The following TSG101 variants were observed in gnomAD, a reference collection of about 807,000 sequenced individuals.
The protein encoded by TSG101 is tumor susceptibility 101, also known as tumor susceptibility gene 101 protein.
A neutral mutation model predicts 48.5 loss-of-function variants in TSG101; 19 were observed. That is an observed-to-expected ratio of 0.39 (90% CI 0.27 to 0.58). The LOEUF is 0.58. TSG101 is among the 20% of genes least tolerant of loss of function. The pLI is 0.55. For synonymous variants in TSG101, 174 were observed against 169.4 expected, an observed-to-expected ratio of 1.03 and a Z score of -0.21; for missense variants, 365 against 484.4, an observed-to-expected ratio of 0.75 and a Z score of 2.31.
intron 7 of TSG101, among the ~76,000 whole-genome samples, chr11:18,498,219 G>A (rs943400452): frequency 6.6e-6 from 1 of 152,150 alleles, no homozygotes; most frequent in African/African-American, 2.4e-5. Flanking sequence ...TGGGGAAGAG[G>A]GCAGGATCAT....
In TSG101 at chr11:18,484,077, A is replaced by C; in HGVS notation, c.641-5T>G. On this transcript the variant is annotated splice_region_variant and splice_polypyrimidine_tract_variant and intron_variant, in intron 7 of 9. Coordinates refer to ENST00000251968, the MANE Select transcript of TSG101 (RefSeq NM_006292.4). ...TTGTGCCATCCCTACTGGGACCTGCAGGAAACAGAGGCAAAAAACACTTGC... is the reference window on the plus strand; with the variant it reads ...TTGTGCCATCCCTACTGGGACCTGCCGGAAACAGAGGCAAAAAACACTTGC... 6.2e-7 allele frequency: 1 copy of C among 1,613,460 alleles called. No individual in the cohort carries two copies. The highest frequency in any genetic ancestry group is 2.2e-5 in the East Asian group (1 of 44,866).
chr11:18,516,636 T>C (rs1355016578), intron 2 of TSG101, among the ~76,000 whole-genome samples: 3 of 151,772 alleles, frequency 2.0e-5, no homozygotes, highest in African/African-American at 7.2e-5. Context: ...GAGTCACTTT[T>C]AAAACTATTT....
At chr11:18,490,982 C>T (rs1849692263) in intron 7 of TSG101, 3 of 235,726 alleles carry the variant, frequency 1.3e-5, no homozygotes, top group Admixed American at 1.0e-4. Context: ...CTGCAGGGGA[C>T]GAGGATGCTT....
rs572509665 is a variant in TSG101, at chr11:18,526,875, C to T, written c.-59G>A. 5.8e-6 allele frequency: 9 copies of T among 1,561,360 alleles called. No homozygotes were observed. In the South Asian group the frequency reaches 1.0e-4, roughly 18 times the overall value. ...AGAGGGTCAGCCGCTGCTGGGCTGC[C>T]CCAGACCGTCCCACACAATCGCACA... is the stretch of plus-strand genomic sequence containing the variant. On this transcript the variant is annotated 5_prime_UTR_variant, in exon 1 of 10. Transcript: ENST00000251968.
At chr11:18,525,178 G>A (rs575751366) in intron 1 of TSG101, among the ~76,000 whole-genome samples, 27 of 152,186 alleles carry the variant, frequency 1.8e-4, no homozygotes, top group African/African-American at 6.3e-4. Flanking sequence ...CAAAGTGCTA[G>A]GATTACAGGC....
At chr11:18,491,746 T>G (rs960858415) in intron 7 of TSG101, among the ~76,000 whole-genome samples, 4 of 152,208 alleles carry the variant, frequency 2.6e-5, no homozygotes, top group East Asian at 3.8e-4. Flanking sequence ...CTTCCAAACT[T>G]TACAGGTCCT....
intron 1 of TSG101, among the ~76,000 whole-genome samples, chr11:18,522,706 G>C (rs1013475579): frequency 7.2e-5 from 11 of 152,116 alleles, no homozygotes; most frequent in Non-Finnish European, 1.5e-4. Context: ...GGCCTGCAAG[G>C]CCCTCCAAAC....
intron 7 of TSG101, among the ~76,000 whole-genome samples, chr11:18,493,384 C>T (rs573146366): frequency 3.3e-5 from 5 of 152,160 alleles, no homozygotes; most frequent in Admixed American, 2.0e-4. Flanking sequence ...TTAAGACACC[C>T]GGTTTCATTT....
intron 7 of TSG101, among the ~76,000 whole-genome samples, chr11:18,501,074 C>A (rs1849879078): frequency 6.6e-6 from 1 of 152,170 alleles, no homozygotes; most frequent in African/African-American, 2.4e-5. Context: ...TCCCAAAGTG[C>A]TGGGATTACA....
At chr11:18,487,921 T>C (rs1196548719) in intron 7 of TSG101, among the ~76,000 whole-genome samples, 3 of 152,212 alleles carry the variant, frequency 2.0e-5, no homozygotes, top group African/African-American at 7.2e-5. Flanking sequence ...AAATTTTTAT[T>C]TCACTTTTGA....
At chr11:18,523,554 G>C (rs1590291418) in intron 1 of TSG101, among the ~76,000 whole-genome samples, 1 of 152,252 alleles carries the variant, frequency 6.6e-6, no homozygotes, top group East Asian at 1.9e-4. Context: ...CCAGGCTGGA[G>C]TGCAGTGGCG....
intron 1 of TSG101, among the ~76,000 whole-genome samples, chr11:18,520,181 T>C (rs1230088646): frequency 6.6e-6 from 1 of 152,208 alleles, no homozygotes; most frequent in Non-Finnish European, 1.5e-5. Flanking sequence ...TCACTTAGCA[T>C]GTTTTTGAGA....
At chr11:18,503,513 T>C (rs1028799404) in intron 6 of TSG101, among the ~76,000 whole-genome samples, 1 of 151,794 alleles carries the variant, frequency 6.6e-6, no homozygotes, top group African/African-American at 2.4e-5. Context: ...GCTGGGACTA[T>C]AGGTGCCCGC....
intron 7 of TSG101, among the ~76,000 whole-genome samples, chr11:18,497,095 A>G (rs1384623302): frequency 6.6e-6 from 1 of 150,724 alleles, no homozygotes; most frequent in East Asian, 1.9e-4. Context: ...TCTCAAAAAC[A>G]ACAACAACAA....
At position 18,492,732 on chromosome 11, in the gene TSG101, T is replaced by C. The variant is rs565600989; in HGVS notation, c.641-8660A>G. On this transcript the variant is annotated intron_variant, in intron 7 of 9. Transcript: ENST00000251968. ...ATCACACATAGACTTCACTGTGAAGTATATCTAAACTTTAAAAAATCGAAC... is the reference window on the plus strand; with the variant it reads ...ATCACACATAGACTTCACTGTGAAGCATATCTAAACTTTAAAAAATCGAAC... Among the ~76,000 whole-genome samples, 102 of 148,894 alleles carry C rather than the reference T, an allele frequency of 6.9e-4. 1 individual carries two copies. In the South Asian group the frequency reaches 0.021, roughly 31 times the overall value.
intron 1 of TSG101, among the ~76,000 whole-genome samples, chr11:18,526,163 G>T (rs888123176): frequency 6.6e-6 from 1 of 151,216 alleles, no homozygotes; most frequent in Non-Finnish European, 1.5e-5. Flanking sequence ...GTCTTGAGCC[G>T]TGAAGATCAT....
rs755649588 is a variant in TSG101, at chr11:18,512,652, C to T, written c.357+2026G>A. On this transcript the variant is annotated intron_variant, in intron 4 of 9. Coordinates refer to ENST00000251968, the MANE Select transcript of TSG101 (RefSeq NM_006292.4). ...GAGTCTATATATTATCTTCTTCCAG[C>T]AAGGGTTCACCCTATCCTGTGGCAG... Among the ~76,000 whole-genome samples the T allele has an allele frequency of 1.3e-5, 2 of 151,224 alleles. 1 individual carries two copies. The highest frequency in any genetic ancestry group is 4.2e-4 in the South Asian group (2 of 4,798).
chr11:18,520,929 G>A (rs866518593), intron 1 of TSG101, among the ~76,000 whole-genome samples: 51 of 152,132 alleles, frequency 3.4e-4, no homozygotes, highest in African/African-American at 1.2e-3. Context: ...TACTCAGGAG[G>A]CTGAGGCAGG....
chr11:18,499,402 A>ATTTTTTTTTTTT (rs1160424288), intron 7 of TSG101, among the ~76,000 whole-genome samples: 1 of 5,456 alleles, frequency 1.8e-4, no homozygotes, highest in Non-Finnish European at 3.5e-4. Flanking sequence ...ATATATATAT[A>ATTTTTTTTTTTT]TTTTTTTTTT....
Sources: gnomAD v4.1 joint callset for allele counts (sites outside exome capture counted in the v4.1 genomes callset) on GRCh38, gnomAD v4.1.1 for gene constraint, MANE v1.5 for transcripts, NCBI Gene and HGNC (gene_info 2026-07-23, HGNC 2026-07-21) for gene names.